Variants in TNS3 observed in about 807,000 individuals in gnomAD.
TNS3 encodes tensin 3.
In TNS3, 45 loss-of-function variants were observed where a neutral mutation model predicts 140.9. The observed-to-expected ratio is 0.32, with a 90% CI of 0.25 to 0.41. The LOEUF (loss-of-function observed/expected upper bound fraction) is 0.41. TNS3 is among the 10% of genes least tolerant of loss of function. The pLI is 1.00. For missense variants in TNS3, 1,716 were observed against 1,906.7 expected (o/e 0.90, Z 1.86); for synonymous variants, 815 against 788.4 (o/e 1.03, Z -0.56).
At chr7:47,341,077 A>C (rs1203297657) in intron 20 of TNS3, among the ~76,000 whole-genome samples, 5 of 152,214 alleles carry the variant, frequency 3.3e-5, no homozygotes. Flanking sequence ...CCAGCCTTGC[A>C]TCTCAGAATA....
intron 3 of TNS3, among the ~76,000 whole-genome samples, chr7:47,487,424 A>T (rs1797653068): frequency 6.6e-6 from 1 of 152,126 alleles, no homozygotes; most frequent in Admixed American, 6.5e-5. Flanking sequence ...TCTCCAGGTC[A>T]TTCTGCCCAC....
intron 3 of TNS3, among the ~76,000 whole-genome samples, chr7:47,486,796 C>T (rs746837668): frequency 2.0e-5 from 3 of 152,214 alleles, no homozygotes; most frequent in Non-Finnish European, 4.4e-5. Context: ...ACTTTGTAAA[C>T]AGCCATATAG....
intron 3 of TNS3, among the ~76,000 whole-genome samples, chr7:47,484,052 T>C (rs897286845): frequency 6.6e-6 from 1 of 152,200 alleles, no homozygotes; most frequent in East Asian, 1.9e-4. Flanking sequence ...GCAGAGCAAA[T>C]GGCAGGCAGC....
chr7:47,345,946 C>G (rs1024652861), intron 18 of TNS3, among the ~76,000 whole-genome samples: 1 of 152,230 alleles, frequency 6.6e-6, no homozygotes. Context: ...ACCAGCATAG[C>G]TATCTCTGGG....
intron 3 of TNS3, among the ~76,000 whole-genome samples, chr7:47,495,256 G>C (rs1797965072): frequency 6.6e-6 from 1 of 151,246 alleles, no homozygotes; most frequent in Non-Finnish European, 1.5e-5. Flanking sequence ...GTCTCAATGA[G>C]AGGCATGAAG....
At chr7:47,506,690 C>T (rs1488974872) in intron 3 of TNS3, among the ~76,000 whole-genome samples, 1 of 152,044 alleles carries the variant, frequency 6.6e-6, no homozygotes, top group African/African-American at 2.4e-5. Context: ...TATCTGAAAT[C>T]AAATTCTTAA....
At chr7:47,358,521 G>A (rs1790131988) in intron 17 of TNS3, among the ~76,000 whole-genome samples, 1 of 152,192 alleles carries the variant, frequency 6.6e-6, no homozygotes, top group South Asian at 2.1e-4. Context: ...AGGGCCACAT[G>A]GGCTGCGCTG....
intron 17 of TNS3, among the ~76,000 whole-genome samples, chr7:47,358,042 G>A (rs970823611): frequency 1.3e-5 from 2 of 152,134 alleles, no homozygotes; most frequent in African/African-American, 4.8e-5. Context: ...CATCAATGGG[G>A]CTTCTGTACA....
intron 1 of TNS3, among the ~76,000 whole-genome samples, chr7:47,568,625 C>T (rs187731692): frequency 6.6e-6 from 1 of 152,360 alleles, no homozygotes; most frequent in African/African-American, 2.4e-5. Context: ...TCCCTGCCTG[C>T]GGCCTCCACT....
intron 1 of TNS3, among the ~76,000 whole-genome samples, chr7:47,557,817 T>A (rs546842213): frequency 4.6e-5 from 7 of 152,250 alleles, no homozygotes; most frequent in South Asian, 4.2e-4. Context: ...AATGAATTAT[T>A]CCACACCACA....
chr7:47,432,760 C>T (rs1282477618), intron 8 of TNS3, among the ~76,000 whole-genome samples: 1 of 152,164 alleles, frequency 6.6e-6, no homozygotes, highest in Non-Finnish European at 1.5e-5. Flanking sequence ...ACTCAAACTA[C>T]GTATGGAACT....
chr7:47,425,972 C>T (rs1311412745), intron 9 of TNS3, among the ~76,000 whole-genome samples: 1 of 151,834 alleles, frequency 6.6e-6, no homozygotes, highest in Non-Finnish European at 1.5e-5. Context: ...AGAATGTGTT[C>T]ATCATGGCAA....
At chr7:47,562,086 T>C (rs1270751846) in intron 1 of TNS3, among the ~76,000 whole-genome samples, 2 of 152,214 alleles carry the variant, frequency 1.3e-5, no homozygotes, top group Non-Finnish European at 2.9e-5. Context: ...ACAGTTGCAA[T>C]ACAGTTTGAT....
intron 4 of TNS3, among the ~76,000 whole-genome samples, chr7:47,443,639 C>A (rs529207965): frequency 1.3e-5 from 2 of 152,098 alleles, no homozygotes; most frequent in African/African-American, 4.8e-5. Flanking sequence ...ATTTAGAATA[C>A]GGCCGGGCAC....
At chr7:47,542,926 C>CAAAAAAAAAAAAAAAAAAAAA in intron 1 of TNS3, among the ~76,000 whole-genome samples, 1 of 135,166 alleles carries the variant, frequency 7.4e-6, no homozygotes. Flanking sequence ...GCAAGACTGT[C>CAAAAAAAAAAAAAAAAAAAAA]AAAAAAAAAA....
chr7:47,582,483 G>C (rs1784560334), upstream of TNS3: 2 of 456,506 alleles, frequency 4.4e-6, no homozygotes, highest in South Asian at 3.1e-5. Context: ...CTTTCATTCA[G>C]CGCCTGTGAT....
rs1398413011 is a variant in TNS3, at chr7:47,481,126, C to T, written c.-99G>A. 6.2e-6 allele frequency: 8 copies of T among 1,289,640 alleles called. No homozygotes were observed. Among genetic ancestry groups the T allele is most frequent in the South Asian group, 1.2e-5 (1 of 81,022 alleles). The allele number at this position is 1,289,640 out of a possible 1,614,324, so 79.9% of individuals were successfully genotyped here. On this transcript the variant is annotated 5_prime_UTR_variant, in exon 4 of 31. Coordinates refer to ENST00000311160, the MANE Select transcript of TNS3 (RefSeq NM_022748.12). ...ACCTGTTCCAGTCGGACTTGCACAC[C>T]GCAGGGAATCACCACCTTTCAAAGA...
rs181595348 is a variant in TNS3 at position 47,425,046 on chromosome 7, C to T, written c.390-862G>A. On this transcript the variant is annotated intron_variant, in intron 9 of 30. Transcript: ENST00000311160. Reference sequence around the variant, plus strand: ...CCTTAAAACCCTGATAGGCTGGGTGCGGTGGCTCACGCCTGTACTCCCAGC... The same window carrying T: ...CCTTAAAACCCTGATAGGCTGGGTGTGGTGGCTCACGCCTGTACTCCCAGC... Among the ~76,000 whole-genome samples the T allele has an allele frequency of 5.0e-3, 760 of 152,258 alleles. 7 individuals are homozygous for T. Among genetic ancestry groups the T allele is most frequent in the African/African-American group, 0.018 (735 of 41,536 alleles).
chr7:47,307,037 T>C (rs1444362122), intron 20 of TNS3, among the ~76,000 whole-genome samples: 2 of 152,200 alleles, frequency 1.3e-5, no homozygotes, highest in African/African-American at 4.8e-5. Flanking sequence ...TATATTGAGG[T>C]ATAACTAATA....
Sources: allele counts gnomAD v4.1 joint callset (sites outside exome capture counted in the v4.1 genomes callset), GRCh38; gene constraint gnomAD v4.1.1; transcripts MANE v1.5; gene names NCBI Gene and HGNC (gene_info 2026-07-23, HGNC 2026-07-21).